The following ACTN2 variants were observed in gnomAD, a reference collection of about 807,000 sequenced individuals.
ACTN2 encodes the protein alpha-actinin-2.
ACTN2 carries 39 observed loss-of-function variants against 113.8 expected under a neutral mutation model. That is an observed-to-expected ratio of 0.34 (90% CI 0.27 to 0.45). The LOEUF (loss-of-function observed/expected upper bound fraction) is 0.45, where lower values mean the gene tolerates loss of function less well. Ranked by LOEUF, ACTN2 falls within the 20% of genes least tolerant of loss-of-function variation. The pLI is 1.00. For synonymous variants in ACTN2, 429 were observed against 444.1 expected, an observed-to-expected ratio of 0.97 and a Z score of 0.43; for missense variants, 992 against 1,177.9, an observed-to-expected ratio of 0.84 and a Z score of 2.31.
Position 236,735,711 on chromosome 1 carries a change from C to T in ACTN2, c.774C>T (p.Gly258=), listed in dbSNP as rs776005605. 7 of 1,613,996 alleles carry T rather than the reference C, an allele frequency of 4.3e-6. No homozygotes were observed. The highest frequency in any genetic ancestry group is 1.1e-5 in the South Asian group (1 of 91,086). The part of the protein sequence containing the change: ...YVSCFYHAFA[G]AEQAETAANR... ...CTTGCTTCTACCACGCTTTTGCGGG[C>T]GCGGAGCAGGTACTCAACACTTGTC... Residue 258 remains glycine, a synonymous_variant, in exon 8 of 21, where the codon GGC becomes GGT. Transcript: ENST00000366578.
chr1:236,705,036 G>C (rs560055637), intron 1 of ACTN2, among the ~76,000 whole-genome samples: 1 of 152,050 alleles, frequency 6.6e-6, no homozygotes, highest in African/African-American at 2.4e-5. Context: ...ATTGCTTTAC[G>C]GCCAGCTCCA....
At chr1:236,709,915 A>G (rs1657974926) in intron 1 of ACTN2, among the ~76,000 whole-genome samples, 1 of 152,222 alleles carries the variant, frequency 6.6e-6, no homozygotes, top group South Asian at 2.1e-4. Context: ...AGAAAAAGCT[A>G]GTTAAAGAAG....
chr1:236,713,607 T>G (rs553281658), intron 1 of ACTN2, among the ~76,000 whole-genome samples: 4 of 152,086 alleles, frequency 2.6e-5, no homozygotes, highest in Non-Finnish European at 5.9e-5. Context: ...TGTGTTTATG[T>G]ATACACAGAT....
intron 1 of ACTN2, among the ~76,000 whole-genome samples, chr1:236,693,929 C>T (rs998001905): frequency 3.9e-5 from 6 of 152,180 alleles, no homozygotes; most frequent in Non-Finnish European, 5.9e-5. Context: ...ATCGTCTGTT[C>T]ATTCACCACC....
intron 4 of ACTN2, among the ~76,000 whole-genome samples, chr1:236,720,392 CA>C (rs2102896854): frequency 6.6e-6 from 1 of 152,268 alleles, no homozygotes; most frequent in African/African-American, 2.4e-5. Flanking sequence ...AATCGGTTTG[CA>C]AAAGATGAGC....
Position 236,686,738 on chromosome 1 carries a change from A to G in ACTN2, c.65A>G (p.Gln22Arg). The change falls in exon 1 of 21, where the codon CAG (glutamine) becomes CGG (arginine). Residue 22 changes from glutamine (Q) to arginine (R), a missense_variant. By Grantham distance (43) the Gln-to-Arg change is conservative. This residue lies in a region of ACTN2 where 220 missense variants were observed against 337.5 expected (regional missense o/e 0.65). Transcript: ENST00000366578. ...TACGACGAGGATGAGTACATGATCC[A>G]GGAGGAGGAGTGGGACCGCGACCTG... ...YVYDEDEYMI[Q>R]EEEWDRDLLL... The G allele has an allele frequency of 6.4e-7, 1 of 1,557,124 alleles. No individual in the cohort carries two copies. The highest frequency in any genetic ancestry group is 2.6e-5 in the East Asian group (1 of 38,738).
At chr1:236,704,740 C>T (rs1657775538) in intron 1 of ACTN2, among the ~76,000 whole-genome samples, 1 of 152,210 alleles carries the variant, frequency 6.6e-6, no homozygotes, top group African/African-American at 2.4e-5. Context: ...GGAACCTCCA[C>T]GTGTTCAGTT....
rs766813897 is a variant in ACTN2 at position 236,762,462 on chromosome 1, C to A, written c.2528C>A (p.Pro843Gln). Reference protein sequence around the residue: ...ASFRILASDKPYILAEELRRE... With the variant: ...ASFRILASDKQYILAEELRRE... ...AAACACGTGTGTATTTTTTCCCAGC[C>A]ATACATCCTGGCGGAGGAGCTGCGT... The change falls in exon 21 of 21, where the codon CCA (proline) becomes CAA (glutamine). Residue 843 changes from proline to glutamine, a missense_variant and splice_region_variant. Transcript: ENST00000366578. 1 of 1,614,108 alleles carries A rather than the reference C, an allele frequency of 6.2e-7. No individual in the cohort carries two copies. The highest frequency in any genetic ancestry group is 1.7e-5 in the Admixed American group (1 of 60,030).
At position 236,748,043 on chromosome 1, in the gene ACTN2, C is replaced by T. The variant is rs10802558; in HGVS notation, c.1515+268C>T. ...ATTACGGCATAAATCTACTTTGTAT[C>T]TGGTAGTAACAGTACGTTTCCAAAA... On this transcript the variant is annotated intron_variant, in intron 13 of 20. Coordinates refer to ENST00000366578, the MANE Select transcript of ACTN2 (RefSeq NM_001103.4). 0.19 allele frequency: 79,041 copies of T among 414,354 alleles called. 7,815 individuals are homozygous for T. Among genetic ancestry groups the T allele is most frequent in the South Asian group, 0.24 (10,528 of 44,544 alleles). 25.7% of individuals were successfully genotyped at this position (414,354 alleles called of 1,614,324 possible).
chr1:236,744,569 A>C, intron 11 of ACTN2, 57 bp from the exon 12 acceptor site: 1 of 1,600,278 alleles, frequency 6.2e-7, no homozygotes, highest in Non-Finnish European at 8.5e-7. Flanking sequence ...TGTGGCTGGC[A>C]TGAGGAAGCC....
chr1:236,696,980 T>C (rs2102865248), intron 1 of ACTN2, among the ~76,000 whole-genome samples: 1 of 152,282 alleles, frequency 6.6e-6, no homozygotes, highest in South Asian at 2.1e-4. Flanking sequence ...CCCACTATAT[T>C]TGATGCCCTT....
At chr1:236,731,438 C>A (rs1372062939) in intron 7 of ACTN2, 124 bp downstream of exon 7, 5 of 736,590 alleles carry the variant, frequency 6.8e-6, no homozygotes, top group African/African-American at 1.8e-5. Flanking sequence ...GGATTCCTAA[C>A]AAATTTCTGT....
chr1:236,715,359 C>T (rs1450706510), intron 1 of ACTN2, among the ~76,000 whole-genome samples: 1 of 134,742 alleles, frequency 7.4e-6, no homozygotes, highest in Non-Finnish European at 1.5e-5. Flanking sequence ...ACCTATTACT[C>T]ATTCAAAAAA....
intron 9 of ACTN2, among the ~76,000 whole-genome samples, 170 bp from the exon 10 acceptor site, chr1:236,739,132 T>C (rs1658986009): frequency 6.6e-6 from 1 of 152,152 alleles, no homozygotes; most frequent in Admixed American, 6.5e-5. Context: ...CTCGCGGCCA[T>C]GGGCGGACAC....
intron 10 of ACTN2, 76 bp from the exon 11 acceptor site, chr1:236,742,820 G>T (rs1659111800): frequency 1.3e-6 from 2 of 1,577,418 alleles, no homozygotes; most frequent in African/African-American, 2.7e-5. Context: ...GGGATTTATA[G>T]AAGAAGCCTG....
chr1:236,707,245 G>C (rs1200113084), intron 1 of ACTN2, among the ~76,000 whole-genome samples: 1 of 152,168 alleles, frequency 6.6e-6, no homozygotes, highest in Non-Finnish European at 1.5e-5. Context: ...CTCCAGCAGG[G>C]GTATGAATAC....
rs982200490 is a variant in ACTN2, at chr1:236,757,541, A to C, written c.2210A>C (p.Glu737Ala). 3 of 1,614,084 alleles carry C rather than the reference A, an allele frequency of 1.9e-6. No individual in the cohort carries two copies. Among genetic ancestry groups the C allele is most frequent in the Non-Finnish European group, 2.5e-6 (3 of 1,180,048 alleles). ...ACAACCATCGCCAGAACCATCAATG[A>C]GGTGGAGACTCAGATCCTGACGAGA... Reference protein sequence around the residue: ...LLTTIARTINEVETQILTRDA... With the variant: ...LLTTIARTINAVETQILTRDA... The change falls in exon 18 of 21, where the codon GAG (glutamate) becomes GCG (alanine). Residue 737 changes from glutamate to alanine, a missense_variant. This residue lies in a region of ACTN2 where 736 missense variants were observed against 815.4 expected (regional missense o/e 0.90). Transcript: ENST00000366578.
chr1:236,721,659 A>C (rs1316607318), intron 4 of ACTN2, among the ~76,000 whole-genome samples: 1 of 152,220 alleles, frequency 6.6e-6, no homozygotes. Flanking sequence ...TTTATTTAAA[A>C]ATTGTAAGTT....
intron 14 of ACTN2, among the ~76,000 whole-genome samples, chr1:236,751,124 C>T (rs1023427044): frequency 7.5e-5 from 11 of 147,434 alleles, no homozygotes; most frequent in Admixed American, 3.4e-4. Context: ...AAGGAAGTGC[C>T]GCTAAGTTAA....
Sources: gnomAD v4.1 joint callset for allele counts (sites outside exome capture counted in the v4.1 genomes callset) on GRCh38, gnomAD v4.1.1 for gene constraint, gnomAD v4.1.1 regional missense constraint, MANE v1.5 for transcripts, NCBI Gene and HGNC (gene_info 2026-07-23, HGNC 2026-07-21) for gene names.